EXOC4: variants seen among roughly 807,000 people sequenced by gnomAD.
EXOC4 encodes SEC8-like 1.
EXOC4 carries 71 observed loss-of-function variants against 107.2 expected under a neutral mutation model. That is an observed-to-expected ratio of 0.66 (90% confidence interval 0.55 to 0.81). The LOEUF (loss-of-function observed/expected upper bound fraction) is 0.81, where lower values mean the gene tolerates loss of function less well. Among genes scored for constraint, EXOC4 ranks in the 30% least tolerant of loss-of-function variants. EXOC4 has a pLI of 0.00. For missense variants in EXOC4, 1,108 were observed against 1,189.6 expected (o/e 0.93, Z 1.01); for synonymous variants, 456 against 441.2 (o/e 1.03, Z -0.42).
intron 12 of EXOC4, among the ~76,000 whole-genome samples, chr7:133,899,745 C>CTTTTTT (rs35095963): frequency 2.3e-5 from 2 of 86,228 alleles, no homozygotes; most frequent in Non-Finnish European, 4.2e-5. Context: ...CAGATGTACT[C>CTTTTTT]TTTTTTTTTT....
intron 14 of EXOC4, among the ~76,000 whole-genome samples, chr7:133,979,916 C>T (rs763997013): frequency 1.3e-5 from 2 of 152,140 alleles, no homozygotes; most frequent in Non-Finnish European, 2.9e-5. Flanking sequence ...TTATCTCCTC[C>T]CACGCTGCTC....
intron 10 of EXOC4, among the ~76,000 whole-genome samples, chr7:133,671,897 G>T (rs1241629961): frequency 6.6e-6 from 1 of 152,172 alleles, no homozygotes; most frequent in Non-Finnish European, 1.5e-5. Flanking sequence ...TTTGGTTTGG[G>T]ACATGCTAAA....
At chr7:133,946,505 A>G (rs189873979) in intron 14 of EXOC4, among the ~76,000 whole-genome samples, 72 of 152,318 alleles carry the variant, frequency 4.7e-4, no homozygotes, top group Middle Eastern at 3.4e-3. Context: ...AAAAGCACCA[A>G]CTGATAATTG....
At chr7:133,481,594 C>T (rs1381733734) in intron 9 of EXOC4, among the ~76,000 whole-genome samples, 3 of 152,180 alleles carry the variant, frequency 2.0e-5, no homozygotes, top group Admixed American at 2.0e-4. Flanking sequence ...TCCAAAGATG[C>T]TGCTGTACTC....
chr7:133,733,945 T>C (rs1297992903), intron 10 of EXOC4, among the ~76,000 whole-genome samples: 1 of 152,232 alleles, frequency 6.6e-6, no homozygotes, highest in African/African-American at 2.4e-5. Context: ...CAGAGAAATA[T>C]GATATTTAAA....
intron 7 of EXOC4, among the ~76,000 whole-genome samples, chr7:133,402,882 T>TA (rs1019184795): frequency 1.7e-5 from 2 of 116,272 alleles, no homozygotes; most frequent in African/African-American, 7.9e-5. Context: ...GAGCCTAATA[T>TA]TTTTTTTTTT....
At chr7:133,737,909 C>CTTTTTTTTTTTTTTTTTTTTTTTT (rs10673346) in intron 10 of EXOC4, among the ~76,000 whole-genome samples, 2 of 89,328 alleles carry the variant, frequency 2.2e-5, no homozygotes, top group African/African-American at 4.3e-5. Flanking sequence ...ATTTTTCTTT[C>CTTTTTTTTTTTTTTTTTTTTTTTT]TTTTTTTTTT....
chr7:133,717,256 C>T (rs943496902), intron 10 of EXOC4, among the ~76,000 whole-genome samples: 1 of 152,132 alleles, frequency 6.6e-6, no homozygotes, highest in Admixed American at 6.5e-5. Context: ...GGAGAACTTT[C>T]GATCATAAAG....
At chr7:133,585,627 G>GAA (rs1169657119) in intron 9 of EXOC4, among the ~76,000 whole-genome samples, 2 of 141,442 alleles carry the variant, frequency 1.4e-5, no homozygotes, top group African/African-American at 5.2e-5. Context: ...CCCTGTCTTA[G>GAA]AAAAAAAAAA....
chr7:133,563,236 T>C (rs577966083), intron 9 of EXOC4, among the ~76,000 whole-genome samples: 1 of 151,550 alleles, frequency 6.6e-6, no homozygotes, highest in African/African-American at 2.4e-5. Flanking sequence ...GAAAGTTAGG[T>C]TTTTTTTTAA....
chr7:133,985,513 C>T (rs960908473), intron 14 of EXOC4, among the ~76,000 whole-genome samples: 63 of 152,260 alleles, frequency 4.1e-4, no homozygotes, highest in Admixed American at 3.3e-3. Flanking sequence ...TTTTATCTAC[C>T]ACCATCACTC....
chr7:133,473,631 C>T (rs934275343), intron 7 of EXOC4, among the ~76,000 whole-genome samples: 2 of 151,568 alleles, frequency 1.3e-5, no homozygotes, highest in Non-Finnish European at 2.9e-5. Context: ...TATCTTTTTC[C>T]ATATCTTTAC....
chr7:133,938,117 C>T (rs200686408), intron 14 of EXOC4, 48 bp downstream of exon 14: 143 of 1,577,202 alleles, frequency 9.1e-5, no homozygotes, highest in Non-Finnish European at 1.2e-4. Flanking sequence ...AGGAACTAGA[C>T]TGAATGCATT....
chr7:133,744,377 G>T (rs1207710266), intron 10 of EXOC4, among the ~76,000 whole-genome samples: 1 of 152,064 alleles, frequency 6.6e-6, no homozygotes, highest in Non-Finnish European at 1.5e-5. Context: ...GCCAGGATTT[G>T]AATCCAGGAG....
In EXOC4 at chr7:134,064,309, T is replaced by G. The variant is rs1475463216; in HGVS notation, c.2706T>G (p.Leu902=). The G allele has an allele frequency of 8.8e-6, 13 of 1,474,638 alleles. No individual in the cohort carries two copies. In the East Asian group the frequency reaches 2.7e-4, roughly 31 times the overall value. The allele number at this position is 1,474,638 out of a possible 1,614,324, so 91.3% of individuals were successfully genotyped here. A position where few individuals can be genotyped will look rare whatever the true frequency, so the allele number is the denominator to read the frequency against. ...TTCTCAGGCAGTACTACGAGATGCT[T>G]TACAACACAGCTGACGAGCTCCTGA... ...LDFARQYYEM[L]YNTADELLNL... The change falls in exon 18 of 18, where the codon CTT becomes CTG. Residue 902 remains leucine, a synonymous_variant. Transcript: ENST00000253861.
rs1197964392 is a variant in EXOC4, at chr7:133,755,287, TAC to T, written c.1515-62036_1515-62035del. On this transcript the variant is annotated intron_variant, in intron 10 of 17. Transcript: ENST00000253861. ...TATTATATATATTATATATATTATA[TAC>T]ATATTATATATATTATATATATATT... Among the ~76,000 whole-genome samples the T allele has an allele frequency of 3.8e-5, 4 of 104,940 alleles. No individual in the cohort carries two copies. In the South Asian group the frequency reaches 8.0e-4, roughly 21 times the overall value. The allele number at this position is 104,940 out of a possible 152,430, so 68.8% of individuals were successfully genotyped here. A position where few individuals can be genotyped will look rare whatever the true frequency, so the allele number is the denominator to read the frequency against.
the EXOC4 span, among the ~76,000 whole-genome samples, chr7:134,097,226 CT>C: frequency 2.6e-3 from 402 of 152,084 alleles, 6 homozygotes; most frequent in African/African-American, 8.9e-3. Context: ...GTAATATATT[CT>C]TTTTTTAAGC....
At chr7:133,817,238 A>G (rs1257076668) in intron 10 of EXOC4, 87 bp from the exon 11 acceptor site, 5 of 874,374 alleles carry the variant, frequency 5.7e-6, no homozygotes, top group Non-Finnish European at 9.1e-6. Context: ...AGAAATAGCC[A>G]ACACTAGATA....
intron 11 of EXOC4, among the ~76,000 whole-genome samples, chr7:133,854,449 C>CACACAT (rs1554409642): frequency 1.4e-5 from 2 of 146,392 alleles, no homozygotes; most frequent in Non-Finnish European, 3.0e-5. Context: ...CACACACACA[C>CACACAT]ATACATTTTA....
Sources: gnomAD v4.1 joint callset for allele counts (sites outside exome capture counted in the v4.1 genomes callset) on GRCh38, gnomAD v4.1.1 for gene constraint, MANE v1.5 for transcripts, NCBI Gene and HGNC (gene_info 2026-07-23, HGNC 2026-07-21) for gene names.